The following NPAS2 variants were observed in gnomAD, a reference collection of about 807,000 sequenced individuals.
The protein encoded by NPAS2 is neuronal PAS domain protein 2.
A neutral mutation model predicts 107.5 loss-of-function variants in NPAS2; 23 were observed. The observed-to-expected ratio is 0.21, with a 90% confidence interval of 0.15 to 0.30. The LOEUF (loss-of-function observed/expected upper bound fraction) is 0.30. NPAS2 is among the 10% of genes least tolerant of loss of function. The pLI is 1.00. For missense variants in NPAS2, 756 were observed against 1,043.3 expected, an observed-to-expected ratio of 0.72 and a Z score of 3.79; for synonymous variants, 403 against 417.5, an observed-to-expected ratio of 0.97 and a Z score of 0.42.
chr2:100,875,247 C>G (rs546352357), intron 1 of NPAS2, among the ~76,000 whole-genome samples: 1 of 152,190 alleles, frequency 6.6e-6, no homozygotes, highest in East Asian at 1.9e-4. Context: ...TTCCTAGATA[C>G]AAAAAGCAGA....
At chr2:100,950,271 A>G (rs1675143843) in intron 7 of NPAS2, among the ~76,000 whole-genome samples, 1 of 152,244 alleles carries the variant, frequency 6.6e-6, no homozygotes, top group Non-Finnish European at 1.5e-5. Flanking sequence ...ACATTTCATA[A>G]AGCAGCAAAG....
At chr2:100,952,432 C>T (rs887794441) in intron 7 of NPAS2, among the ~76,000 whole-genome samples, 3 of 151,912 alleles carry the variant, frequency 2.0e-5, no homozygotes, top group Non-Finnish European at 4.4e-5. Flanking sequence ...GGCATGATGG[C>T]GGGTGCCTGT....
intron 1 of NPAS2, among the ~76,000 whole-genome samples, chr2:100,894,221 C>T (rs1681261134): frequency 6.6e-6 from 1 of 152,234 alleles, no homozygotes; most frequent in Admixed American, 6.5e-5. Context: ...GCAGGCTTCA[C>T]TTTTGTCCTT....
At chr2:100,836,237 C>A (rs1401105870) in intron 1 of NPAS2, among the ~76,000 whole-genome samples, 1 of 152,138 alleles carries the variant, frequency 6.6e-6, no homozygotes, top group Non-Finnish European at 1.5e-5. Context: ...CATATACACA[C>A]ACAAAATCAA....
At chr2:100,916,389 G>A (rs1041238751) in intron 2 of NPAS2, among the ~76,000 whole-genome samples, 5 of 151,672 alleles carry the variant, frequency 3.3e-5, no homozygotes, top group East Asian at 3.9e-4. Context: ...ATAGGTAGAG[G>A]GTAAAAGTAA....
At chr2:100,864,933 C>A (rs181111795) in intron 1 of NPAS2, among the ~76,000 whole-genome samples, 2 of 152,068 alleles carry the variant, frequency 1.3e-5, no homozygotes, top group African/African-American at 2.4e-5. Context: ...ATAATAACTA[C>A]GTTTCCCCAA....
rs1354946207 is a variant in NPAS2 at position 100,995,490 on chromosome 2, C to T, written c.2383C>T (p.Gln795Ter). The T allele has an allele frequency of 2.5e-6, 4 of 1,613,850 alleles. 1 individual carries two copies. The African/African-American group carries it at 4.0e-5, about 16-fold the overall frequency. The change falls in exon 21 of 21, where the codon CAA becomes TAA. Residue 795 changes from glutamine to a stop codon, truncating the protein, a stop_gained. Coordinates refer to ENST00000335681, the MANE Select transcript of NPAS2 (RefSeq NM_002518.4). LOFTEE classifies it high-confidence loss of function. The part of the protein sequence containing the change: ...SQQPGTLGYP[Q>*]PPPAQPQPLR... ...ACAGCCAGGGACCCTGGGCTACCCC[C>T]AACCACCCCCAGCACAGCCCCAGCC...
rs771855068 is a variant in NPAS2 at position 100,937,842 on chromosome 2, G to A, written c.363G>A (p.Pro121=). The A allele has an allele frequency of 3.7e-6, 6 of 1,609,810 alleles. No homozygotes were observed. Among genetic ancestry groups the A allele is most frequent in the Non-Finnish European group, 4.3e-6 (5 of 1,176,106 alleles). The part of the protein sequence containing the change: ...DSITPLLGHL[P]SDVMDQNLLN... ...TCACGCCTCTCCTTGGGCATTTACC[G>A]GTGAGTTTCCACTCCAATGGCCTTT... The change falls in exon 5 of 21, where the codon CCG becomes CCA. Residue 121 remains proline (P), a splice_region_variant and synonymous_variant. Transcript: ENST00000335681.
chr2:100,927,575 C>A (rs1683665176), intron 3 of NPAS2, among the ~76,000 whole-genome samples: 1 of 152,246 alleles, frequency 6.6e-6, no homozygotes, highest in African/African-American at 2.4e-5. Flanking sequence ...CCATAGGTTG[C>A]TTTTGCCTGT....
Position 100,977,749 on chromosome 2 carries a change from C to G in NPAS2, c.1432C>G (p.Gln478Glu). The G allele has an allele frequency of 6.2e-7, 1 of 1,614,234 alleles. No homozygotes were observed. The highest frequency in any genetic ancestry group is 2.2e-5 in the East Asian group (1 of 44,878). ...CCCATCGTCCTGCGACCTCACACAG[C>G]AGCTCCTGCCTCAGACCGTTCTGCA... ...PSPSSCDLTQ[Q>E]LLPQTVLQST... Residue 478 changes from glutamine (Q) to glutamate (E), a missense_variant, in exon 15 of 21, where the codon CAG becomes GAG. By Grantham distance (29) the Gln-to-Glu change is conservative (BLOSUM62 2). Transcript: ENST00000335681.
chr2:100,967,427 C>T (rs1196307976), intron 10 of NPAS2, among the ~76,000 whole-genome samples: 2 of 151,702 alleles, frequency 1.3e-5, no homozygotes, highest in East Asian at 1.9e-4. Context: ...GGGGTCTCAC[C>T]GTATTCGCCA....
chr2:100,990,181 C>T (rs1678027481), intron 17 of NPAS2, 75 bp from the exon 18 acceptor site: 1 of 1,344,398 alleles, frequency 7.4e-7, no homozygotes, highest in Non-Finnish European at 1.1e-6. Flanking sequence ...AAGGAGGAGA[C>T]ACTGGGAGGT....
rs1678237669 is a variant in NPAS2 at position 100,852,245 on chromosome 2, A to C, written c.-23+31831A>C. 1.3e-5 allele frequency among the ~76,000 whole-genome samples: 2 copies of C among 151,970 alleles called. 1 individual carries two copies. The highest frequency in any genetic ancestry group is 4.8e-5 in the African/African-American group (2 of 41,350). On this transcript the variant is annotated intron_variant, in intron 1 of 20. Coordinates refer to ENST00000335681, the MANE Select transcript of NPAS2 (RefSeq NM_002518.4). ...CCCCGTCTCTCCTAAAAAATACAAA[A>C]AATTAGCCGGGCGTGGTGGTGGGTG... is the stretch of plus-strand genomic sequence containing the variant.
At chr2:100,833,515 G>A (rs1415132503) in intron 1 of NPAS2, among the ~76,000 whole-genome samples, 1 of 152,210 alleles carries the variant, frequency 6.6e-6, no homozygotes, top group African/African-American at 2.4e-5. Context: ...ACATATCCCA[G>A]TGTTCTCTTG....
chr2:100,850,011 TAAAAAAAAAAA>T (rs58359292), intron 1 of NPAS2, among the ~76,000 whole-genome samples: 1 of 56,210 alleles, frequency 1.8e-5, no homozygotes, highest in Non-Finnish European at 3.0e-5. Flanking sequence ...ACTCTTTTTG[TAAAAAAAAAAA>T]AAAAAAAAAA....
At chr2:100,852,201 C>A (rs1316200625) in intron 1 of NPAS2, among the ~76,000 whole-genome samples, 3 of 151,980 alleles carry the variant, frequency 2.0e-5, no homozygotes, top group Admixed American at 6.6e-5. Context: ...TCAAGACCAT[C>A]CTGGCTAACA....
In NPAS2 at chr2:100,949,632, G is replaced by A. The variant is rs528281628; in HGVS notation, c.598+152G>A. 24 of 609,092 alleles carry A rather than the reference G, an allele frequency of 3.9e-5. No individual in the cohort carries two copies. In the South Asian group the frequency reaches 4.4e-4, roughly 11 times the overall value. 37.7% of individuals were successfully genotyped at this position (609,092 alleles called of 1,614,324 possible). On this transcript the variant is annotated intron_variant, in intron 7 of 20. Coordinates refer to ENST00000335681, the MANE Select transcript of NPAS2 (RefSeq NM_002518.4). ...TCGAGTTCCCAGGATGTGTTTTTGT[G>A]CTCATCGATGTTCTCTCCCATTCAA...
intron 2 of NPAS2, among the ~76,000 whole-genome samples, chr2:100,907,104 TC>T (rs1682201732): frequency 6.6e-6 from 1 of 152,008 alleles, no homozygotes; most frequent in Admixed American, 6.6e-5. Context: ...AATATCACCC[TC>T]CAAACCCCTT....
At chr2:100,898,766 A>C (rs981800757) in intron 1 of NPAS2, among the ~76,000 whole-genome samples, 1 of 140,824 alleles carries the variant, frequency 7.1e-6, no homozygotes, top group Non-Finnish European at 1.5e-5. Flanking sequence ...TACCACTTTA[A>C]ATTTAGATGT....
Sources: allele counts gnomAD v4.1 joint callset (sites outside exome capture counted in the v4.1 genomes callset), GRCh38; gene constraint gnomAD v4.1.1; transcripts MANE v1.5; gene names NCBI Gene and HGNC (gene_info 2026-07-23, HGNC 2026-07-21).